AGBL1: variants seen among roughly 807,000 people sequenced by gnomAD.
AGBL1 encodes the protein cytosolic carboxypeptidase 4.
In AGBL1, 130 loss-of-function variants were observed where a neutral mutation model predicts 118.9. The observed-to-expected ratio is 1.09, with a 90% CI of 0.95 to 1.26. The LOEUF (loss-of-function observed/expected upper bound fraction) is 1.26, where lower values mean the gene tolerates loss of function less well. Among genes scored for constraint, AGBL1 ranks in the 50% most tolerant of loss-of-function variants. The pLI is 0.00. For missense variants in AGBL1, 1,584 were observed against 1,298.1 expected, an observed-to-expected ratio of 1.22 and a Z score of -3.38; for synonymous variants, 555 against 478.9, an observed-to-expected ratio of 1.16 and a Z score of -2.08.
At chr15:86,157,055 G>T (rs565363029) in intron 4 of AGBL1, among the ~76,000 whole-genome samples, 1 of 152,100 alleles carries the variant, frequency 6.6e-6, no homozygotes, top group African/African-American at 2.4e-5. Context: ...CTCCCAAAGT[G>T]CTGAGATTAT....
intron 17 of AGBL1, among the ~76,000 whole-genome samples, chr15:86,331,217 C>T (rs2080262896): frequency 8.6e-6 from 1 of 116,562 alleles, no homozygotes; most frequent in Admixed American, 8.3e-5. Flanking sequence ...GAGTGAGACT[C>T]CATCTCAAAA....
chr15:86,144,477 C>T (rs1403977651), intron 3 of AGBL1, among the ~76,000 whole-genome samples: 1 of 152,162 alleles, frequency 6.6e-6, no homozygotes, highest in Non-Finnish European at 1.5e-5. Context: ...GAATACTATA[C>T]AGCCATAAAA....
intron 16 of AGBL1, among the ~76,000 whole-genome samples, chr15:86,290,656 T>C (rs2079529923): frequency 6.6e-6 from 1 of 151,480 alleles, no homozygotes; most frequent in South Asian, 2.1e-4. Flanking sequence ...CTGGGCCAAG[T>C]CCTTATTTTC....
intron 23 of AGBL1, among the ~76,000 whole-genome samples, chr15:86,924,377 T>G (rs958685607): frequency 5.9e-5 from 9 of 152,218 alleles, no homozygotes; most frequent in African/African-American, 2.2e-4. Flanking sequence ...TCAATTTTAT[T>G]GCAAGGATGC....
chr15:87,009,670 G>A, intron 24 of AGBL1, among the ~76,000 whole-genome samples: 1 of 152,176 alleles, frequency 6.6e-6, no homozygotes, highest in East Asian at 1.9e-4. Flanking sequence ...CAGCTGGGAG[G>A]GAGGCTCTAC....
At chr15:86,627,820 T>C (rs2084909753) in intron 21 of AGBL1, among the ~76,000 whole-genome samples, 1 of 152,164 alleles carries the variant, frequency 6.6e-6, no homozygotes, top group Non-Finnish European at 1.5e-5. Flanking sequence ...GACAAAGCCT[T>C]TGGAAATGCT....
At chr15:86,095,578 C>T (rs1186883228) in intron 1 of AGBL1, among the ~76,000 whole-genome samples, 1 of 151,294 alleles carries the variant, frequency 6.6e-6, no homozygotes, top group Non-Finnish European at 1.5e-5. Context: ...TTTTTCCGTG[C>T]CAGGAACTGG....
chr15:86,800,075 A>T (rs909145461), intron 22 of AGBL1, among the ~76,000 whole-genome samples: 1 of 152,086 alleles, frequency 6.6e-6, no homozygotes, highest in Admixed American at 6.6e-5. Flanking sequence ...AGCAGCCAAT[A>T]TCATGCTTGT....
intron 22 of AGBL1, among the ~76,000 whole-genome samples, chr15:86,828,170 T>G (rs2079058091): frequency 6.6e-6 from 1 of 151,642 alleles, no homozygotes; most frequent in African/African-American, 2.4e-5. Context: ...CTCAAAATCC[T>G]GGGCTCAAGA....
intron 22 of AGBL1, among the ~76,000 whole-genome samples, chr15:86,745,103 C>T (rs1363937847): frequency 6.6e-6 from 1 of 152,002 alleles, no homozygotes; most frequent in African/African-American, 2.4e-5. Flanking sequence ...ATATATGTAG[C>T]ACCAAAATAC....
At chr15:86,655,218 C>T (rs541311770) in intron 21 of AGBL1, among the ~76,000 whole-genome samples, 16 of 152,280 alleles carry the variant, frequency 1.1e-4, no homozygotes, top group Non-Finnish European at 2.1e-4. Flanking sequence ...GGCATTCAAA[C>T]AGACCTTCCT....
intron 24 of AGBL1, among the ~76,000 whole-genome samples, chr15:87,010,234 A>C (rs575192293): frequency 1.1e-3 from 166 of 152,170 alleles, no homozygotes; most frequent in Non-Finnish European, 2.0e-3. Context: ...AATAAGTCTC[A>C]TGAGACCTGA....
chr15:86,893,077 A>T (rs1200564236), intron 22 of AGBL1, among the ~76,000 whole-genome samples: 1 of 152,144 alleles, frequency 6.6e-6, no homozygotes, highest in Non-Finnish European at 1.5e-5. Context: ...GGACTCACTC[A>T]CCCAGGGAAT....
At chr15:86,556,343 T>A in intron 21 of AGBL1, 2 of 1,434,436 alleles carry the variant, frequency 1.4e-6, no homozygotes, top group South Asian at 1.2e-5. Context: ...ATTGGGTCAC[T>A]AGAAGGAATA....
In AGBL1 at chr15:86,249,653, C is replaced by T. The variant is rs140734068; in HGVS notation, c.735+1774C>T. Among the ~76,000 whole-genome samples the T allele has an allele frequency of 9.3e-4, 142 of 152,250 alleles. 1 individual carries two copies. The highest frequency in any genetic ancestry group is 3.3e-3 in the African/African-American group (138 of 41,552). On this transcript the variant is annotated intron_variant, in intron 7 of 22. Coordinates refer to ENST00000614907, the MANE Select transcript of AGBL1 (RefSeq NM_001386094.1). ...CTTGTGCAATGCCCTCCTGCATTGC[C>T]GATGTTTAACAGCCCCCCACTCTGG...
chr15:86,100,403 G>A (rs1427394533), intron 1 of AGBL1, among the ~76,000 whole-genome samples: 1 of 152,284 alleles, frequency 6.6e-6, no homozygotes, highest in East Asian at 1.9e-4. Flanking sequence ...AGAAGAACTC[G>A]TGTTGTTAGT....
At chr15:86,550,034 A>G (rs2083643403) in intron 20 of AGBL1, among the ~76,000 whole-genome samples, 2 of 152,142 alleles carry the variant, frequency 1.3e-5, no homozygotes, top group Non-Finnish European at 2.9e-5. Context: ...TTTGATGATT[A>G]ACCCCAAATT....
upstream of AGBL1, chr15:86,079,822 A>G: frequency 2.2e-6 from 1 of 447,636 alleles, no homozygotes; most frequent in Non-Finnish European, 3.7e-6. Context: ...CTAGGGTTGC[A>G]CCGCGCTGAC....
At chr15:86,718,226 A>G (rs1005626820) in intron 22 of AGBL1, among the ~76,000 whole-genome samples, 5 of 152,096 alleles carry the variant, frequency 3.3e-5, no homozygotes, top group African/African-American at 1.2e-4. Context: ...TGTTGAGTTC[A>G]TGTCTTTTGT....
Sources: gnomAD v4.1 joint callset for allele counts (sites outside exome capture counted in the v4.1 genomes callset) on GRCh38, gnomAD v4.1.1 for gene constraint, MANE v1.5 for transcripts, NCBI Gene and HGNC (gene_info 2026-07-23, HGNC 2026-07-21) for gene names.